The following CSMD1 variants were observed in gnomAD, a reference collection of about 807,000 sequenced individuals.
CSMD1 encodes CUB and Sushi multiple domains 1, also known as CUB and sushi domain-containing protein 1.
Under a neutral mutation model 417.5 loss-of-function variants are expected in CSMD1, and 213 were observed. The observed-to-expected ratio is 0.51, with a 90% confidence interval of 0.46 to 0.57. The LOEUF is 0.57. Ranked by LOEUF, CSMD1 falls within the 20% of genes least tolerant of loss-of-function variation. The probability of loss-of-function intolerance (pLI) is 0.00; values close to 1 mark genes in which losing one functional copy is unlikely to be tolerated. For missense variants in CSMD1, 6,923 were observed against 4,529.7 expected, an observed-to-expected ratio of 1.53 and a Z score of -15.17; for synonymous variants, 2,862 against 1,736.8, an observed-to-expected ratio of 1.65 and a Z score of -16.11.
intron 26 of CSMD1, among the ~76,000 whole-genome samples, chr8:3,283,311 G>A (rs1802880517): frequency 6.6e-6 from 1 of 152,122 alleles, no homozygotes; most frequent in Admixed American, 6.5e-5. Context: ...GGGGCATGTA[G>A]GGAACCTGGA....
intron 33 of CSMD1, among the ~76,000 whole-genome samples, chr8:3,199,357 T>C (rs1796868675): frequency 1.3e-5 from 2 of 152,120 alleles, no homozygotes; most frequent in South Asian, 4.1e-4. Flanking sequence ...ATTTCCTATA[T>C]TGTTACTAAG....
At chr8:3,213,113 C>T (rs953884593) in intron 30 of CSMD1, among the ~76,000 whole-genome samples, 1 of 152,138 alleles carries the variant, frequency 6.6e-6, no homozygotes, top group Non-Finnish European at 1.5e-5. Context: ...AGGTGTGAGC[C>T]ACGCGCCCAG....
At chr8:3,589,578 T>A (rs12680864) in intron 8 of CSMD1, among the ~76,000 whole-genome samples, 50,444 of 151,734 alleles carry the variant, frequency 0.33, 10,121 homozygotes, top group Non-Finnish European at 0.44. Context: ...CTGGAAAAAA[T>A]AGAACTCCCA....
intron 2 of CSMD1, among the ~76,000 whole-genome samples, chr8:4,492,137 T>C (rs1317399318): frequency 6.6e-6 from 1 of 152,182 alleles, no homozygotes; most frequent in African/African-American, 2.4e-5. Flanking sequence ...TACGCTATTG[T>C]CCACGCTAGA....
chr8:4,765,441 G>A (rs1259572804), intron 1 of CSMD1, among the ~76,000 whole-genome samples: 4 of 152,214 alleles, frequency 2.6e-5, no homozygotes, highest in Non-Finnish European at 4.4e-5. Context: ...CTGTTTCAAA[G>A]CGTAATTCAA....
chr8:3,297,180 C>T (rs1426763154), intron 25 of CSMD1, among the ~76,000 whole-genome samples: 2 of 152,176 alleles, frequency 1.3e-5, no homozygotes, highest in East Asian at 3.9e-4. Context: ...CATACAAAAG[C>T]TAAATAAATG....
At chr8:4,183,007 A>T (rs375795940) in intron 3 of CSMD1, among the ~76,000 whole-genome samples, 13 of 152,320 alleles carry the variant, frequency 8.5e-5, no homozygotes, top group African/African-American at 3.1e-4. Flanking sequence ...AGTAAAGAGT[A>T]ATTACATGGG....
intron 1 of CSMD1, among the ~76,000 whole-genome samples, chr8:4,685,440 T>C (rs1806306819): frequency 6.6e-6 from 1 of 152,064 alleles, no homozygotes; most frequent in Non-Finnish European, 1.5e-5. Context: ...CTGAGTGTGG[T>C]GGCACGTGCC....
In CSMD1 at chr8:4,731,299, G is replaced by C. The variant is rs1044760313; in HGVS notation, c.86-93741C>G. Among the ~76,000 whole-genome samples, 2 of 152,096 alleles carry C rather than the reference G, an allele frequency of 1.3e-5. 1 individual carries two copies. The highest frequency in any genetic ancestry group is 2.9e-5 in the Non-Finnish European group (2 of 68,020). The stretch of plus-strand genomic sequence containing the variant: ...AGAGGCCACCTTCCTCATGGGATCC[G>C]TCTTTGGAATCAGCAGTTTTTGCTC... On this transcript the variant is annotated intron_variant, in intron 1 of 69. Coordinates refer to ENST00000635120, the MANE Select transcript of CSMD1 (RefSeq NM_033225.6).
chr8:3,504,864 T>C (rs1796756987), intron 10 of CSMD1, among the ~76,000 whole-genome samples: 1 of 152,134 alleles, frequency 6.6e-6, no homozygotes, highest in Non-Finnish European at 1.5e-5. Flanking sequence ...GTGAAAATGA[T>C]AGTGGCAAAT....
intron 6 of CSMD1, among the ~76,000 whole-genome samples, chr8:3,719,619 T>C (rs1466361634): frequency 6.6e-6 from 1 of 152,190 alleles, no homozygotes; most frequent in Admixed American, 6.5e-5. Flanking sequence ...AGATGCTCTA[T>C]GCACAGAGGA....
intron 3 of CSMD1, among the ~76,000 whole-genome samples, chr8:4,296,792 T>G (rs1797712162): frequency 7.2e-6 from 1 of 139,626 alleles, no homozygotes; most frequent in South Asian, 2.4e-4. Context: ...CTGGTGAAAA[T>G]GAATAGAAAA....
chr8:3,378,610 A>T (rs931722383), intron 18 of CSMD1, among the ~76,000 whole-genome samples: 4 of 152,202 alleles, frequency 2.6e-5, no homozygotes, highest in African/African-American at 9.7e-5. Context: ...AAATCAATAA[A>T]CGTAATCCAT....
At chr8:4,297,272 A>G (rs1264855554) in intron 3 of CSMD1, among the ~76,000 whole-genome samples, 1 of 152,200 alleles carries the variant, frequency 6.6e-6, no homozygotes, top group Admixed American at 6.5e-5. Context: ...TACCAAGGCT[A>G]TATGAAGAAA....
intron 3 of CSMD1, among the ~76,000 whole-genome samples, chr8:4,403,573 G>A (rs950514938): frequency 3.3e-5 from 5 of 152,130 alleles, no homozygotes; most frequent in Non-Finnish European, 5.9e-5. Flanking sequence ...AAAGGCTTGA[G>A]TTGACTTCTA....
chr8:3,950,380 C>T (rs1321571553), intron 5 of CSMD1, among the ~76,000 whole-genome samples: 8 of 152,168 alleles, frequency 5.3e-5, no homozygotes, highest in Admixed American at 4.6e-4. Flanking sequence ...GAAAACTCTC[C>T]GGTACAGTTC....
chr8:4,133,946 C>G (rs1803265170), intron 3 of CSMD1, among the ~76,000 whole-genome samples: 1 of 152,110 alleles, frequency 6.6e-6, no homozygotes, highest in Non-Finnish European at 1.5e-5. Flanking sequence ...TTTTCTTTTT[C>G]AGGTCATGCA....
chr8:3,648,189 G>C (rs1797671344), intron 7 of CSMD1, among the ~76,000 whole-genome samples: 2 of 152,164 alleles, frequency 1.3e-5, no homozygotes, highest in Admixed American at 6.5e-5. Context: ...ATGTACATAT[G>C]TGTATATTAC....
intron 5 of CSMD1, among the ~76,000 whole-genome samples, chr8:3,920,195 G>C (rs954691927): frequency 2.6e-5 from 4 of 151,922 alleles, no homozygotes. Flanking sequence ...CAGCATATCT[G>C]GCTAACTTTT....
Sources: gnomAD v4.1 joint callset for allele counts (sites outside exome capture counted in the v4.1 genomes callset) on GRCh38, gnomAD v4.1.1 for gene constraint, MANE v1.5 for transcripts, NCBI Gene and HGNC (gene_info 2026-07-23, HGNC 2026-07-21) for gene names.